The following CROCC2 variants were observed in gnomAD, a reference collection of about 807,000 sequenced individuals.
CROCC2 encodes ciliary rootlet coiled-coil, rootletin family member 2, also known as ciliary rootlet coiled-coil protein 2.
In CROCC2, 163 loss-of-function variants were observed where a neutral mutation model predicts 177.6. That is an observed-to-expected ratio of 0.92 (90% confidence interval 0.81 to 1.05). The LOEUF (loss-of-function observed/expected upper bound fraction) is 1.05, where lower values mean the gene tolerates loss of function less well. Among genes scored for constraint, CROCC2 ranks in the 50% least tolerant of loss-of-function variants. The pLI, the probability that CROCC2 is intolerant of heterozygous loss-of-function variation, is 0.00. For synonymous variants in CROCC2, 904 were observed against 787.3 expected (o/e 1.15, Z -2.48); for missense variants, 1,929 against 1,797.8 (o/e 1.07, Z -1.32).
chr2:240,956,025 C>G, intron 19 of CROCC2, 53 bp downstream of exon 19: 1 of 1,331,026 alleles, frequency 7.5e-7, no homozygotes, highest in Non-Finnish European at 1.0e-6. Flanking sequence ...GCTGGCAGAC[C>G]CCAGGGGGCC....
intron 28 of CROCC2, among the ~76,000 whole-genome samples, chr2:240,986,968 C>T (rs1361403486): frequency 6.6e-6 from 1 of 152,200 alleles, no homozygotes; most frequent in Admixed American, 6.5e-5. Flanking sequence ...CCAGCCTGCC[C>T]AGGGAACAGG....
At chr2:240,983,205 G>A (rs916567306) in intron 28 of CROCC2, 176 bp downstream of exon 28, 12 of 846,858 alleles carry the variant, frequency 1.4e-5, no homozygotes, top group East Asian at 2.7e-5. Flanking sequence ...CCAGTCCCCC[G>A]CTGACAGATG....
In CROCC2 at chr2:240,949,787, T is replaced by A; in HGVS notation, c.2652+85T>A. On this transcript the variant is annotated intron_variant, in intron 17 of 31. Coordinates refer to ENST00000690015, the MANE Select transcript of CROCC2 (RefSeq NM_001351305.2). The surrounding 1 kb of genome is among the most constrained non-coding windows in gnomAD (Gnocchi z 4.5). ...GCAGGCCCTTGGGAGGAGGGGGCCC[T>A]GGGAGACAGAGCTCAGAGACATAGG... is the stretch of plus-strand genomic sequence containing the variant. 1 of 1,377,756 alleles carries A rather than the reference T, an allele frequency of 7.3e-7. No individual in the cohort carries two copies. The highest frequency in any genetic ancestry group is 9.8e-7 in the Non-Finnish European group (1 of 1,023,542). 85.3% of individuals were successfully genotyped at this position (1,377,756 alleles called of 1,614,324 possible).
chr2:240,960,495 T>G lies in CROCC2; in HGVS notation c.3087+1051T>G. ...ATTGGAGAGGCATTTCTGAGGGGGG[T>G]TGGCAGGACGGGGGGACGCCTGTGT... is the stretch of plus-strand genomic sequence containing the variant. On this transcript the variant is annotated intron_variant, in intron 20 of 31. Coordinates refer to ENST00000690015, the MANE Select transcript of CROCC2 (RefSeq NM_001351305.2). The surrounding 1 kb of genome is among the most constrained non-coding windows in gnomAD (Gnocchi z 5.0). Among the ~76,000 whole-genome samples, 5 of 137,982 alleles carry G rather than the reference T, an allele frequency of 3.6e-5. No homozygotes were observed. Among genetic ancestry groups the G allele is most frequent in the African/African-American group, 5.4e-5 (2 of 37,028 alleles). The allele number at this position is 137,982 out of a possible 152,430, so 90.5% of individuals were successfully genotyped here. A position where few individuals can be genotyped will look rare whatever the true frequency, so the allele number is the denominator to read the frequency against.
chr2:240,988,944 A>C, intron 29 of CROCC2, 74 bp downstream of exon 29: 2 of 1,321,188 alleles, frequency 1.5e-6, no homozygotes, highest in Non-Finnish European at 2.0e-6. Context: ...GGAGGGTGTC[A>C]GTTCCAGAGG....
chr2:240,959,242 CA>C, intron 19 of CROCC2, 58 bp from the exon 20 acceptor site: 2 of 1,531,020 alleles, frequency 1.3e-6, no homozygotes, highest in South Asian at 2.5e-5. Context: ...GGCCTTACCT[CA>C]CCCTCCACTG....
intron 18 of CROCC2, among the ~76,000 whole-genome samples, chr2:240,952,315 C>CAAAAAAA (rs71049540): frequency 8.8e-6 from 1 of 113,534 alleles, no homozygotes; most frequent in African/African-American, 3.3e-5. Context: ...TACTCCTTCT[C>CAAAAAAA]AAAAAAAAAA....
intron 19 of CROCC2, 96 bp from the exon 20 acceptor site, chr2:240,959,205 C>G: frequency 7.2e-7 from 1 of 1,396,430 alleles, no homozygotes; most frequent in Non-Finnish European, 9.5e-7. Context: ...TCCCAGGCCA[C>G]TGCAACACCT....
intron 28 of CROCC2, chr2:240,983,711 AG>A: frequency 1.9e-6 from 2 of 1,042,440 alleles, no homozygotes. Flanking sequence ...CACTAAGCTC[AG>A]GGTCAGGACG....
At position 240,973,427 on chromosome 2, in the gene CROCC2, G is replaced by GC. The variant is rs113226763; in HGVS notation, c.4401+5171dup. Among the ~76,000 whole-genome samples the GC allele has an allele frequency of 0.11, 17,248 of 151,886 alleles. 1,050 individuals are homozygous for GC. The highest frequency in any genetic ancestry group is 0.15 in the African/African-American group (6,180 of 41,366). On this transcript the variant is annotated intron_variant, in intron 27 of 31. Transcript: ENST00000690015. The surrounding 1 kb of genome is among the most constrained non-coding windows in gnomAD (Gnocchi z 4.7). ...CACAGCCTCATGCCCGCTCAGAAAGGCCCCCCATGCCACCCTTGGACTGGC... is the reference window on the plus strand; with the variant it reads ...CACAGCCTCATGCCCGCTCAGAAAGGCCCCCCCATGCCACCCTTGGACTGGC...
rs1574788602 is a variant in CROCC2, at chr2:240,970,083, C to G, written c.4401+1821C>G. 3.9e-5 allele frequency among the ~76,000 whole-genome samples: 6 copies of G among 152,338 alleles called. No homozygotes were observed. In the South Asian group the frequency reaches 1.2e-3, roughly 32 times the overall value. On this transcript the variant is annotated intron_variant, in intron 27 of 31. Transcript: ENST00000690015. ...ACAAATGCATTATTCAAATAGGCCA[C>G]ATTTGATCCAGTTCCTGAATTTATC...
chr2:240,991,094 G>A (rs892533005), intron 30 of CROCC2, 102 bp from the exon 31 acceptor site: 25 of 785,670 alleles, frequency 3.2e-5, no homozygotes, highest in Non-Finnish European at 4.4e-5. Flanking sequence ...TGTGGACCAT[G>A]GCCTCCAGCC....
chr2:240,946,210 GAGAGGCAGGGCCGGCTCGCAGCTGA>G lies in CROCC2; in HGVS notation c.2329_2353del (p.Gly777LeufsTer58). On this transcript the variant is annotated frameshift_variant, in exon 15 of 32. Transcript: ENST00000690015. LOFTEE classifies it high-confidence loss of function. ...GCTGCTGGCCAAGCAGGAGGCCTTG[GAGAGGCAGGGCCGGCTCGCAGCTGA>G]AGAGGCAGCTGATCTCAGGTATGCA... The G allele has an allele frequency of 6.5e-7, 1 of 1,545,552 alleles. No individual in the cohort carries two copies. The highest frequency in any genetic ancestry group is 1.2e-5 in the South Asian group (1 of 83,888).
At chr2:240,911,499 C>T (rs113520664) in intron 1 of CROCC2, among the ~76,000 whole-genome samples, 63 of 152,160 alleles carry the variant, frequency 4.1e-4, no homozygotes, top group African/African-American at 1.4e-3. Flanking sequence ...GGTTTCGCCA[C>T]GGTAGCCAGG....
In CROCC2 at chr2:240,959,418, G is replaced by T; in HGVS notation, c.3061G>T (p.Ala1021Ser). 3 of 1,550,404 alleles carry T rather than the reference G, an allele frequency of 1.9e-6. No individual in the cohort carries two copies. The highest frequency in any genetic ancestry group is 1.4e-5 in the African/African-American group (1 of 73,172). The change falls in exon 20 of 32, where the codon GCT (alanine) becomes TCT (serine). Residue 1021 changes from alanine to serine, a missense_variant. Physicochemically the swap from Ala to Ser is moderately conservative, Grantham distance 99. This residue lies in a region of CROCC2 where 1,397 missense variants were observed against 1,239.9 expected (regional missense o/e 1.13). Transcript: ENST00000690015. ...ACGCGAGAGCCTCCAGGACCTAGCG[G>T]CTGAGCGGGGCGATGTGGAGAGAGA... ...ALRESLQDLA[A>S]ERGDVEREAE...
intron 21 of CROCC2, 42 bp from the exon 22 acceptor site, chr2:240,964,424 A>G (rs1171018977): frequency 1.9e-6 from 3 of 1,547,734 alleles, no homozygotes; most frequent in Non-Finnish European, 1.7e-6. Flanking sequence ...TGCTGGCCCC[A>G]CCAGGAGGTG....
intron 27 of CROCC2, among the ~76,000 whole-genome samples, chr2:240,975,974 G>A (rs1200840796): frequency 1.3e-5 from 2 of 152,004 alleles, no homozygotes; most frequent in Non-Finnish European, 2.9e-5. Flanking sequence ...CAGAAAATCT[G>A]CCCATCTCAG....
At chr2:240,963,290 A>C (rs943793075) in intron 20 of CROCC2, 19 of 496,726 alleles carry the variant, frequency 3.8e-5, no homozygotes, top group Admixed American at 3.2e-5. Flanking sequence ...GGGGGTCCAG[A>C]GAGGCCGCAG....
At chr2:240,947,151 G>A (rs2059528871) in intron 15 of CROCC2, among the ~76,000 whole-genome samples, 1 of 152,242 alleles carries the variant, frequency 6.6e-6, no homozygotes, top group Non-Finnish European at 1.5e-5. Flanking sequence ...TAGAATCTGG[G>A]AGGCATGAGA....
Sources: gnomAD v4.1 joint callset for allele counts (sites outside exome capture counted in the v4.1 genomes callset) on GRCh38, gnomAD v4.1.1 for gene constraint, gnomAD v4.1.1 regional missense constraint, Gnocchi (gnomAD v3.1) non-coding constraint, MANE v1.5 for transcripts, NCBI Gene and HGNC (gene_info 2026-07-23, HGNC 2026-07-21) for gene names.